DMXL2: variants seen among roughly 807,000 people sequenced by gnomAD.
The protein encoded by DMXL2 is dmX-like protein 2.
DMXL2 carries 103 observed loss-of-function variants against 331.1 expected under a neutral mutation model. The ratio of observed to expected loss-of-function variants is 0.31; its 90% CI spans 0.27 to 0.37. The LOEUF is 0.37. Ranked by LOEUF, DMXL2 falls within the 10% of genes least tolerant of loss-of-function variation. The pLI is 1.00. For missense variants in DMXL2, 3,171 were observed against 3,642.9 expected, an observed-to-expected ratio of 0.87 and a Z score of 3.33; for synonymous variants, 1,281 against 1,252.1, an observed-to-expected ratio of 1.02 and a Z score of -0.49.
In DMXL2 at chr15:51,599,730, C is replaced by T. The variant is rs1403298061; in HGVS notation, c.87+22729G>A. Among the ~76,000 whole-genome samples the T allele has an allele frequency of 2.0e-5, 3 of 152,036 alleles. No individual in the cohort carries two copies. In the East Asian group the frequency reaches 5.8e-4, roughly 29 times the overall value. ...TTTCTCTTTTTTTGAGATGGAGTCT[C>T]GCTTTGTCACCCAGGCTGGAGTGCA... On this transcript the variant is annotated intron_variant, in intron 1 of 43. Transcript: ENST00000560891.
chr15:51,532,645 A>T (rs2048068705), intron 13 of DMXL2, among the ~76,000 whole-genome samples: 1 of 152,156 alleles, frequency 6.6e-6, no homozygotes, highest in South Asian at 2.1e-4. Flanking sequence ...GTACCCCACA[A>T]ATATATACAT....
chr15:51,476,639 T>C lies in DMXL2; in HGVS notation c.6914A>G (p.Glu2305Gly). 1 of 1,612,320 alleles carries C rather than the reference T, an allele frequency of 6.2e-7. No homozygotes were observed. Residue 2305 changes from glutamate to glycine, a missense_variant, in exon 27 of 44, where the codon GAA becomes GGA. Around this residue, in one of 7 missense-constraint regions of DMXL2, gnomAD observed 766 missense variants for 940.5 expected, o/e 0.81. Coordinates refer to ENST00000560891, the MANE Select transcript of DMXL2 (RefSeq NM_001378457.1). ...LLSDRRRLRT[E>G]SIEEHATPNS... is the part of the protein sequence containing the mutation. ...TGGTGTTGCGTGTTCTTCAATGCTT[T>C]CTGTCCTTAGTCTTCTACGATCACT...
Position 51,614,490 on chromosome 15 carries a change from A to G in DMXL2, c.87+7969T>C, listed in dbSNP as rs557240593. Among the ~76,000 whole-genome samples the G allele has an allele frequency of 1.8e-4, 27 of 152,348 alleles. No individual in the cohort carries two copies. In the East Asian group the frequency reaches 3.9e-3, roughly 22 times the overall value. On this transcript the variant is annotated intron_variant, in intron 1 of 43. Coordinates refer to ENST00000560891, the MANE Select transcript of DMXL2 (RefSeq NM_001378457.1). ...TCAATTCCTCCTGATACATTAATAT[A>G]TATCCTTGGAGTAAACCAGGGCAGC... is the stretch of plus-strand genomic sequence containing the variant.
chr15:51,570,143 C>T (rs1211306775), intron 2 of DMXL2, among the ~76,000 whole-genome samples: 1 of 151,928 alleles, frequency 6.6e-6, no homozygotes, highest in African/African-American at 2.4e-5. Context: ...CTTCATGAAA[C>T]ATACACAAGT....
chr15:51,616,214 C>T (rs944404731), intron 1 of DMXL2, among the ~76,000 whole-genome samples: 2 of 152,108 alleles, frequency 1.3e-5, no homozygotes, highest in African/African-American at 4.8e-5. Flanking sequence ...AGGGGCCTAA[C>T]TCTGTTTTCT....
chr15:51,571,215 C>G (rs1220742172), intron 2 of DMXL2, among the ~76,000 whole-genome samples: 4 of 152,190 alleles, frequency 2.6e-5, no homozygotes, highest in Non-Finnish European at 5.9e-5. Flanking sequence ...GTAAAGGGAT[C>G]AATTCAACGA....
chr15:51,591,212 G>GA (rs1296001716), intron 1 of DMXL2, among the ~76,000 whole-genome samples: 1 of 152,210 alleles, frequency 6.6e-6, no homozygotes, highest in African/African-American at 2.4e-5. Flanking sequence ...ACGGCACCTG[G>GA]AAAATCGGGT....
rs767741719 is a variant in DMXL2, at chr15:51,537,665, A to G, written c.1440T>C (p.Leu480=). 2.5e-6 allele frequency: 4 copies of G among 1,613,876 alleles called. No homozygotes were observed. The highest frequency in any genetic ancestry group is 2.2e-5 in the South Asian group (2 of 91,072). ...CCGTAGGCAGTGGCATTGGTACACTAAGTCGTGAGTAAGTTCTAGGACTTC... is the reference window on the plus strand; with the variant it reads ...CCGTAGGCAGTGGCATTGGTACACTGAGTCGTGAGTAAGTTCTAGGACTTC... The part of the protein sequence containing the change: ...REGSPRTYSR[L]SVPMPLPTVL... Residue 480 remains leucine, a synonymous_variant, in exon 11 of 44, where the codon CTT becomes CTC. Transcript: ENST00000560891.
intron 22 of DMXL2, among the ~76,000 whole-genome samples, chr15:51,487,736 G>A (rs2042502256): frequency 6.6e-6 from 1 of 152,166 alleles, no homozygotes; most frequent in Non-Finnish European, 1.5e-5. Context: ...GGGATTACAG[G>A]CGTGAGCCAC....
chr15:51,542,630 G>C, intron 8 of DMXL2, 123 bp from the exon 9 acceptor site: 1 of 688,296 alleles, frequency 1.5e-6, no homozygotes, highest in Non-Finnish European at 2.3e-6. Context: ...CATTTTAAAG[G>C]AAACTTTTTA....
intron 1 of DMXL2, among the ~76,000 whole-genome samples, chr15:51,602,051 C>T (rs2053263796): frequency 6.6e-6 from 1 of 152,110 alleles, no homozygotes; most frequent in Admixed American, 6.5e-5. Flanking sequence ...CCACTTGATG[C>T]AGCCATAAAA....
intron 1 of DMXL2, among the ~76,000 whole-genome samples, chr15:51,608,511 C>A (rs1459056827): frequency 6.6e-6 from 1 of 152,142 alleles, no homozygotes; most frequent in African/African-American, 2.4e-5. Context: ...AAACCAAATA[C>A]CACATATTCT....
At chr15:51,557,444 T>C (rs2049672523) in intron 6 of DMXL2, among the ~76,000 whole-genome samples, 1 of 151,886 alleles carries the variant, frequency 6.6e-6, no homozygotes, top group Non-Finnish European at 1.5e-5. Context: ...AGATGTCAAT[T>C]CTCCCCAAAC....
chr15:51,514,107 G>A lies in DMXL2; in HGVS notation c.2644+335C>T, dbSNP rs147042550. Among the ~76,000 whole-genome samples the A allele has an allele frequency of 4.6e-3, 701 of 152,096 alleles. 5 individuals carry two copies. The highest frequency in any genetic ancestry group is 0.017 in the Middle Eastern group (5 of 294). On this transcript the variant is annotated intron_variant, in intron 15 of 43. Coordinates refer to ENST00000560891, the MANE Select transcript of DMXL2 (RefSeq NM_001378457.1). ...ATTTACTGGTAATTTTTTAAAACCT[G>A]TAATAAAATTAACTGTTTTCCTTAA... is the stretch of plus-strand genomic sequence containing the variant.
chr15:51,450,122 G>GACTC lies in DMXL2; in HGVS notation c.8967+3_8967+6dup. The GACTC allele has an allele frequency of 6.2e-7, 1 of 1,612,740 alleles. No individual in the cohort carries two copies. The highest frequency in any genetic ancestry group is 8.5e-7 in the Non-Finnish European group (1 of 1,179,264). Reference sequence around the variant, plus strand: ...TTAGCACATTCCAACCTCTTGTACTGACTCACCTTTATGTTACCTTCTGCT... The same window carrying GACTC: ...TTAGCACATTCCAACCTCTTGTACTGACTCACTCACCTTTATGTTACCTTCTGCT... On this transcript the variant is annotated splice_region_variant and intron_variant, in intron 43 of 43. Coordinates refer to ENST00000560891, the MANE Select transcript of DMXL2 (RefSeq NM_001378457.1).
intron 36 of DMXL2, chr15:51,458,066 A>G (rs762283574): frequency 3.6e-4 from 57 of 156,554 alleles, no homozygotes; most frequent in Non-Finnish European, 5.9e-4. Flanking sequence ...AAGAATGGCA[A>G]AACACTCTTG....
intron 41 of DMXL2, chr15:51,453,213 C>A: frequency 5.0e-6 from 1 of 198,762 alleles, no homozygotes. Flanking sequence ...CAAACACTAC[C>A]TATTCCCCCA....
In DMXL2 at chr15:51,480,983, T is replaced by C; in HGVS notation, c.6123A>G (p.Gln2041=). ...GDTEVDVIAE[Q]LKFRACLKIL... ...TCTTTAAACAAGCTCTGAATTTTAG[T>C]TGTTCAGCAATCACATCAACTTCAG... The change falls in exon 24 of 44, where the codon CAA becomes CAG. Residue 2041 remains glutamine, a synonymous_variant. Coordinates refer to ENST00000560891, the MANE Select transcript of DMXL2 (RefSeq NM_001378457.1). 1 of 1,614,170 alleles carries C rather than the reference T, an allele frequency of 6.2e-7. No homozygotes were observed. The highest frequency in any genetic ancestry group is 8.5e-7 in the Non-Finnish European group (1 of 1,180,012).
In DMXL2 at chr15:51,509,051, T is replaced by C. The variant is rs1567046379; in HGVS notation, c.2645-1798A>G. ...ATCCAAATTTTTTTTTCTGGTATGA[T>C]ACATATGAAGTACATGGCATCACCC... On this transcript the variant is annotated intron_variant, in intron 15 of 43. Transcript: ENST00000560891. Among the ~76,000 whole-genome samples the C allele has an allele frequency of 3.3e-5, 5 of 152,226 alleles. No homozygotes were observed. In the South Asian group the frequency reaches 1.0e-3, roughly 32 times the overall value.
Sources: gnomAD v4.1 joint callset for allele counts (sites outside exome capture counted in the v4.1 genomes callset) on GRCh38, gnomAD v4.1.1 for gene constraint, gnomAD v4.1.1 regional missense constraint, MANE v1.5 for transcripts, NCBI Gene and HGNC (gene_info 2026-07-23, HGNC 2026-07-21) for gene names.